Variants in ITM2C observed in about 807,000 individuals in gnomAD.
ITM2C encodes integral membrane protein 2C, also known as BRICHOS domain containing 2C.
A neutral mutation model predicts 30.0 loss-of-function variants in ITM2C; 20 were observed. The observed-to-expected ratio is 0.67, with a 90% CI of 0.47 to 0.97. The LOEUF is 0.97. ITM2C is among the 50% of genes least tolerant of loss of function. The probability of loss-of-function intolerance (pLI) is 0.00; values close to 1 mark genes in which losing one functional copy is unlikely to be tolerated. For missense variants in ITM2C, 366 were observed against 371.9 expected (o/e 0.98, Z 0.13); for synonymous variants, 167 against 156.4 (o/e 1.07, Z -0.51).
At chr2:230,867,078 G>A (rs1697044653) in intron 1 of ITM2C, among the ~76,000 whole-genome samples, 1 of 152,182 alleles carries the variant, frequency 6.6e-6, no homozygotes, top group African/African-American at 2.4e-5. Flanking sequence ...TGTTTGTAAT[G>A]GCCTTGAGCC....
chr2:230,875,827 TGGGGGTG>T lies in ITM2C; in HGVS notation c.450+29_450+35del. 3.4e-4 allele frequency: 55 copies of T among 160,962 alleles called. No homozygotes were observed. The highest frequency in any genetic ancestry group is 6.1e-4 in the Non-Finnish European group (52 of 85,420). The allele number at this position is 160,962 out of a possible 1,614,324, so 10.0% of individuals were successfully genotyped here. ...CCAGCGGGTGAGGCTGGCCAGGGCC[TGGGGGTG>T]GGGGGTGGGAGGGTGTCCCGGGGAC... On this transcript the variant is annotated intron_variant, in intron 3 of 5. Transcript: ENST00000326427.
intron 1 of ITM2C, among the ~76,000 whole-genome samples, chr2:230,867,221 A>G (rs899627076): frequency 4.6e-5 from 7 of 152,194 alleles, no homozygotes; most frequent in Non-Finnish European, 8.8e-5. Flanking sequence ...ACAGAACTGC[A>G]TGTTAGTAAA....
intron 1 of ITM2C, among the ~76,000 whole-genome samples, chr2:230,870,814 C>T (rs530412465): frequency 2.6e-5 from 4 of 152,024 alleles, no homozygotes; most frequent in East Asian, 3.9e-4. Context: ...CTCACCTTGT[C>T]GGTGAATTTG....
At chr2:230,873,207 C>T (rs1697207876) in intron 1 of ITM2C, 1 of 460,716 alleles carries the variant, frequency 2.2e-6, no homozygotes, top group Admixed American at 4.1e-5. Context: ...CTCCTTTTCT[C>T]TTTCGAGGTT....
At chr2:230,876,544 C>T (rs532745364) in intron 3 of ITM2C, among the ~76,000 whole-genome samples, 37 of 152,190 alleles carry the variant, frequency 2.4e-4, no homozygotes, top group Admixed American at 2.3e-3. Flanking sequence ...TGCAGTGGCA[C>T]GATCTCGGCT....
At chr2:230,864,272 A>C (rs1696969011), upstream of ITM2C, among the ~76,000 whole-genome samples, 1 of 152,206 alleles carries the variant, frequency 6.6e-6, no homozygotes, top group South Asian at 2.1e-4. This position sits in a 1 kb window ranked among gnomAD's most constrained non-coding sequence, Gnocchi z 4.3. Flanking sequence ...CGAAGGAGCC[A>C]GGGAGCAGGG....
In ITM2C at chr2:230,877,966, C is replaced by T. The variant is rs1437752615; in HGVS notation, c.713-42C>T. 3.9e-6 allele frequency: 6 copies of T among 1,530,490 alleles called. No individual in the cohort carries two copies. Among genetic ancestry groups the T allele is most frequent in the Non-Finnish European group, 5.4e-6 (6 of 1,105,346 alleles). The allele number at this position is 1,530,490 out of a possible 1,614,324, so 94.8% of individuals were successfully genotyped here. A position where few individuals can be genotyped will look rare whatever the true frequency, so the allele number is the denominator to read the frequency against. The stretch of plus-strand genomic sequence containing the variant: ...GAGGCTGGTGGTCTTTGTGACTCAG[C>T]CAGGATGCAGGGCTCACTGGGGTTT... On this transcript the variant is annotated intron_variant, in intron 5 of 5. Coordinates refer to ENST00000326427, the MANE Select transcript of ITM2C (RefSeq NM_030926.6). The surrounding 1 kb of genome is among the most constrained non-coding windows in gnomAD (Gnocchi z 4.8).
chr2:230,864,566 G>C (rs1291426470), upstream of ITM2C: 1 of 152,632 alleles, frequency 6.6e-6, no homozygotes, highest in Non-Finnish European at 1.5e-5. The surrounding 1 kb of genome is among the most constrained non-coding windows in gnomAD (Gnocchi z 4.3). Context: ...CGGGTGAGTT[G>C]TCTGGAAGCT....
At chr2:230,868,001 TGAACAGATGATTGTGC>T (rs1412303936) in intron 1 of ITM2C, among the ~76,000 whole-genome samples, 3 of 43,436 alleles carry the variant, frequency 6.9e-5, no homozygotes, top group African/African-American at 1.7e-4. Flanking sequence ...GAGCACTCGG[TGAACAGATGATTGTGC>T]GGTGAACAGA....
At chr2:230,866,632 G>A (rs1697035171) in intron 1 of ITM2C, among the ~76,000 whole-genome samples, 1 of 152,224 alleles carries the variant, frequency 6.6e-6, no homozygotes, top group East Asian at 1.9e-4. Flanking sequence ...GGTGGAGGGG[G>A]CGCTCCATAT....
At position 230,877,252 on chromosome 2, in the gene ITM2C, G is replaced by A. The variant is rs1697326811; in HGVS notation, c.562-148G>A. 1 of 766,542 alleles carries A rather than the reference G, an allele frequency of 1.3e-6. No individual in the cohort carries two copies. The highest frequency in any genetic ancestry group is 2.1e-6 in the Non-Finnish European group (1 of 468,886). The allele number at this position is 766,542 out of a possible 1,614,324, so 47.5% of individuals were successfully genotyped here. A position where few individuals can be genotyped will look rare whatever the true frequency, so the allele number is the denominator to read the frequency against. ...ATTGCTCCTGGCAGCACAGGTGCAG[G>A]CACCGGGCACAGGCAGGAAGTGCCT... is the stretch of plus-strand genomic sequence containing the variant. On this transcript the variant is annotated intron_variant, in intron 4 of 5. Transcript: ENST00000326427. This position sits in a 1 kb window ranked among gnomAD's most constrained non-coding sequence, Gnocchi z 4.8.
chr2:230,864,479 G>C (rs1696972358), upstream of ITM2C, among the ~76,000 whole-genome samples: 1 of 152,216 alleles, frequency 6.6e-6, no homozygotes, highest in Non-Finnish European at 1.5e-5. This position sits in a 1 kb window ranked among gnomAD's most constrained non-coding sequence, Gnocchi z 4.3. Flanking sequence ...ACAGGTCGGA[G>C]GAGGGGGGCG....
chr2:230,878,231 C>A lies in ITM2C; in HGVS notation c.*132C>A. 3.6e-6 allele frequency: 2 copies of A among 550,700 alleles called. No homozygotes were observed. Among genetic ancestry groups the A allele is most frequent in the Admixed American group, 3.6e-5 (1 of 27,806 alleles). The allele number at this position is 550,700 out of a possible 1,614,324, so 34.1% of individuals were successfully genotyped here. A position where few individuals can be genotyped will look rare whatever the true frequency, so the allele number is the denominator to read the frequency against. On this transcript the variant is annotated 3_prime_UTR_variant, in exon 6 of 6. Transcript: ENST00000326427. This position sits in a 1 kb window ranked among gnomAD's most constrained non-coding sequence, Gnocchi z 4.5. ...TATAGAGGTGACATGTCTCTCCATT[C>A]CTCTCCAACCCTGCCCACCTCCCTG... is the stretch of plus-strand genomic sequence containing the variant.
chr2:230,874,192 G>T (rs1697234507), intron 2 of ITM2C, among the ~76,000 whole-genome samples: 1 of 152,192 alleles, frequency 6.6e-6, no homozygotes, highest in African/African-American at 2.4e-5. Context: ...TGACAAAGAG[G>T]TGGGACTTGC....
chr2:230,875,569 C>T (rs758885333), intron 2 of ITM2C, 51 bp from the exon 3 acceptor site: 39 of 1,501,788 alleles, frequency 2.6e-5, no homozygotes, highest in Middle Eastern at 4.1e-4. Flanking sequence ...TTACGGAGTG[C>T]GTGTATGACC....
At position 230,869,278 on chromosome 2, in the gene ITM2C, C is replaced by T. The variant is rs533926261; in HGVS notation, c.120+4133C>T. ...AGAGCGCATCTGCACAGATGCTGCC[C>T]GTGGGGCCTGCAGTCTGGAAGGGAG... On this transcript the variant is annotated intron_variant, in intron 1 of 5. Coordinates refer to ENST00000326427, the MANE Select transcript of ITM2C (RefSeq NM_030926.6). 1.1e-4 allele frequency among the ~76,000 whole-genome samples: 17 copies of T among 152,344 alleles called. No individual in the cohort carries two copies. In the South Asian group the frequency reaches 2.3e-3, roughly 20 times the overall value.
At position 230,876,879 on chromosome 2, in the gene ITM2C, T is replaced by G. The variant is rs763595161; in HGVS notation, c.473T>G (p.Ile158Ser). 2 of 1,613,706 alleles carry G rather than the reference T, an allele frequency of 1.2e-6. No homozygotes were observed. Among genetic ancestry groups the G allele is most frequent in the Non-Finnish European group, 1.7e-6 (2 of 1,179,712 alleles). ...FQRGLTAYHDISLDKCYVIEL... is the reference protein window; with the variant it reads ...FQRGLTAYHDSSLDKCYVIEL... ...CAGGGTCTGACTGCGTACCATGATA[T>G]CTCCCTGGACAAGTGCTATGTCATC... The change falls in exon 4 of 6, where the codon ATC (isoleucine) becomes AGC (serine). Residue 158 changes from isoleucine (I) to serine (S), a missense_variant. Transcript: ENST00000326427.
intron 3 of ITM2C, 31 bp downstream of exon 3, chr2:230,875,839 G>A (rs1387668267): frequency 9.2e-6 from 3 of 326,324 alleles, no homozygotes; most frequent in Non-Finnish European, 1.8e-5. Flanking sequence ...GGGGTGGGGG[G>A]TGGGAGGGTG....
At chr2:230,876,808 G>A in intron 3 of ITM2C, 49 bp from the exon 4 acceptor site, 2 of 1,316,264 alleles carry the variant, frequency 1.5e-6, no homozygotes, top group South Asian at 1.2e-5. Flanking sequence ...CCCTGCCTGG[G>A]TCAGCTGTCA....
Sources: gnomAD v4.1 joint callset for allele counts (sites outside exome capture counted in the v4.1 genomes callset) on GRCh38, gnomAD v4.1.1 for gene constraint, Gnocchi (gnomAD v3.1) non-coding constraint, MANE v1.5 for transcripts, NCBI Gene and HGNC (gene_info 2026-07-23, HGNC 2026-07-21) for gene names.